B4GALT4: variants seen among roughly 807,000 people sequenced by gnomAD.
B4GALT4 encodes the protein N-acetyllactosamine synthase.
B4GALT4 carries 27 observed loss-of-function variants against 37.3 expected under a neutral mutation model. That is an observed-to-expected ratio of 0.72 (90% CI 0.53 to 1.00). The LOEUF (loss-of-function observed/expected upper bound fraction) is 1.00, where lower values mean the gene tolerates loss of function less well. Among genes scored for constraint, B4GALT4 ranks in the 50% least tolerant of loss-of-function variants. B4GALT4 has a pLI of 0.00. For missense variants in B4GALT4, 372 were observed against 413.1 expected (o/e 0.90, Z 0.86); for synonymous variants, 148 against 154.1 (o/e 0.96, Z 0.29).
chr3:119,230,096 C>T lies in B4GALT4; in HGVS notation c.4G>A (p.Gly2Ser). 6.2e-7 allele frequency: 1 copy of T among 1,613,904 alleles called. No individual in the cohort carries two copies. ...GAAAGGTGGAAAGTCAGGTTGAAGCCCATGTTTTTTATTACGTGAATAATA... is the reference window on the plus strand; with the variant it reads ...GAAAGGTGGAAAGTCAGGTTGAAGCTCATGTTTTTTATTACGTGAATAATA... Reference protein sequence around the residue: MGFNLTFHLSYK... With the variant: MSFNLTFHLSYK... Residue 2 changes from glycine (G) to serine (S), a missense_variant, in exon 3 of 8, where the codon GGC (glycine) becomes AGC (serine). By Grantham distance (56) the Gly-to-Ser change is moderately conservative. Coordinates refer to ENST00000393765, the MANE Select transcript of B4GALT4 (RefSeq NM_003778.4).
chr3:119,226,739 C>A, intron 4 of B4GALT4, 70 bp downstream of exon 4: 1 of 1,340,634 alleles, frequency 7.5e-7, no homozygotes, highest in South Asian at 1.3e-5. Context: ...CATAGACAAA[C>A]AGTCACATGG....
At chr3:119,227,163 C>T in intron 3 of B4GALT4, 122 bp from the exon 4 acceptor site, 1 of 795,590 alleles carries the variant, frequency 1.3e-6, no homozygotes, top group Non-Finnish European at 2.0e-6. Context: ...CAAATGTCAG[C>T]TTTTATTATG....
chr3:119,235,122 T>A (rs2078946709), intron 2 of B4GALT4: 1 of 152,166 alleles, frequency 6.6e-6, no homozygotes, highest in South Asian at 2.1e-4. Context: ...TACTGAGAAG[T>A]CTTGAATATA....
Position 119,224,166 on chromosome 3 carries a change from C to T in B4GALT4, c.566G>A (p.Cys189Tyr), listed in dbSNP as rs756770730. 5 of 1,613,894 alleles carry T rather than the reference C, an allele frequency of 3.1e-6. No individual in the cohort carries two copies. The African/African-American group carries it at 5.3e-5, about 17-fold the overall frequency. The change falls in exon 5 of 8, where the codon TGC (cysteine) becomes TAC (tyrosine). Residue 189 changes from cysteine to tyrosine, a missense_variant. Coordinates refer to ENST00000393765, the MANE Select transcript of B4GALT4 (RefSeq NM_003778.4). Reference sequence around the variant, plus strand: ...CAGGTCCACATCGTGGAATATAAAGCAGTCCCAATTTTCTTCCTTGAGGGC... The same window carrying T: ...CAGGTCCACATCGTGGAATATAAAGTAGTCCCAATTTTCTTCCTTGAGGGC... ...LEALKEENWD[C>Y]FIFHDVDLVP... is the part of the protein sequence containing the mutation.
chr3:119,216,046 G>C (rs956376568), intron 7 of B4GALT4, 194 bp downstream of exon 7: 24 of 352,028 alleles, frequency 6.8e-5, no homozygotes, highest in African/African-American at 3.2e-4. Context: ...AAAGAAGAGA[G>C]GCCATGAGTT....
At chr3:119,214,517 C>T (rs9874573) in intron 7 of B4GALT4, 16,487 of 152,178 alleles carry the variant, frequency 0.11, 1,026 homozygotes, top group East Asian at 0.24. Context: ...TCGAGGACTA[C>T]TGGGATTCAG....
At chr3:119,220,757 C>A (rs571546706) in intron 5 of B4GALT4, among the ~76,000 whole-genome samples, 1 of 152,116 alleles carries the variant, frequency 6.6e-6, no homozygotes, top group South Asian at 2.1e-4. Context: ...GAGGCCAAGG[C>A]GGACGGATCA....
In B4GALT4 at chr3:119,211,928, C is replaced by T. The variant is rs2078172101; in HGVS notation, c.*621G>A. On this transcript the variant is annotated 3_prime_UTR_variant, in exon 8 of 8. Transcript: ENST00000393765. ...AAGGCATACCTGGGCAGGTCCTCCCCTGAAGGCTATCAGCAGCTGCAACCA... is the reference window on the plus strand; with the variant it reads ...AAGGCATACCTGGGCAGGTCCTCCCTTGAAGGCTATCAGCAGCTGCAACCA... 1.1e-5 allele frequency: 6 copies of T among 538,494 alleles called. No individual in the cohort carries two copies. In the South Asian group the frequency reaches 1.5e-4, roughly 13 times the overall value. The allele number at this position is 538,494 out of a possible 1,614,324, so 33.4% of individuals were successfully genotyped here.
chr3:119,212,459 T>C lies in B4GALT4; in HGVS notation c.*90A>G. 2.3e-6 allele frequency: 3 copies of C among 1,328,522 alleles called. No homozygotes were observed. The highest frequency in any genetic ancestry group is 3.1e-6 in the Non-Finnish European group (3 of 966,712). 82.3% of individuals were successfully genotyped at this position (1,328,522 alleles called of 1,614,324 possible). ...AGCTCAACAATGAGCTGTAACAGGT[T>C]CTTAATGTGTGCTACTATTTGAAGT... On this transcript the variant is annotated 3_prime_UTR_variant, in exon 8 of 8. Transcript: ENST00000393765.
intron 6 of B4GALT4, 135 bp downstream of exon 6, chr3:119,218,515 C>T (rs1238369378): frequency 1.6e-6 from 2 of 1,276,424 alleles, no homozygotes; most frequent in Admixed American, 2.1e-5. Flanking sequence ...CCCTCCACCC[C>T]CTGCACCCTT....
intron 3 of B4GALT4, among the ~76,000 whole-genome samples, chr3:119,229,023 C>T (rs563819461): frequency 1.3e-5 from 2 of 152,286 alleles, no homozygotes; most frequent in South Asian, 4.1e-4. Context: ...AGTTGAGAGG[C>T]AAGACATAAA....
In B4GALT4 at chr3:119,211,976, A is replaced by G; in HGVS notation, c.*573T>C. 2 of 571,048 alleles carry G rather than the reference A, an allele frequency of 3.5e-6. No homozygotes were observed. The highest frequency in any genetic ancestry group is 6.2e-6 in the Non-Finnish European group (2 of 320,700). 35.4% of individuals were successfully genotyped at this position (571,048 alleles called of 1,614,324 possible). ...CCAGCTCAGCTACTGCTGCCTTTGC[A>G]GCCGACACTCCACCCTCCTGCTACC... On this transcript the variant is annotated 3_prime_UTR_variant, in exon 8 of 8. Transcript: ENST00000393765.
chr3:119,217,677 C>A (rs1037283300), intron 6 of B4GALT4, among the ~76,000 whole-genome samples: 1 of 151,846 alleles, frequency 6.6e-6, no homozygotes, highest in African/African-American at 2.4e-5. Context: ...CTGGCCTTTA[C>A]TAAAAATACA....
chr3:119,222,577 C>T (rs559110478), intron 5 of B4GALT4, among the ~76,000 whole-genome samples: 1 of 152,310 alleles, frequency 6.6e-6, no homozygotes, highest in South Asian at 2.1e-4. Context: ...ACCCCTGCCA[C>T]AGCAACTTCG....
At chr3:119,224,352 A>ACC in intron 4 of B4GALT4, 107 bp from the exon 5 acceptor site, 1 of 695,242 alleles carries the variant, frequency 1.4e-6, no homozygotes, top group Admixed American at 3.8e-5. Context: ...TATTCTACGC[A>ACC]CGAGACTACA....
Position 119,212,438 on chromosome 3 carries a change from C to T in B4GALT4, c.*111G>A, listed in dbSNP as rs72655940. The T allele has an allele frequency of 4.4e-6, 5 of 1,147,926 alleles. No individual in the cohort carries two copies. The highest frequency in any genetic ancestry group is 1.6e-5 in the African/African-American group (1 of 64,024). The allele number at this position is 1,147,926 out of a possible 1,614,324, so 71.1% of individuals were successfully genotyped here. ...AAATACAAAAAGGAAAAATTCAGCT[C>T]AACAATGAGCTGTAACAGGTTCTTA... On this transcript the variant is annotated 3_prime_UTR_variant, in exon 8 of 8. Coordinates refer to ENST00000393765, the MANE Select transcript of B4GALT4 (RefSeq NM_003778.4).
At chr3:119,224,830 A>G (rs967224143) in intron 4 of B4GALT4, among the ~76,000 whole-genome samples, 3 of 152,226 alleles carry the variant, frequency 2.0e-5, no homozygotes, top group Admixed American at 6.5e-5. Context: ...TTCTTACCAC[A>G]GTTAACAAAA....
chr3:119,212,885 C>T (rs1381658737), intron 7 of B4GALT4: 4 of 511,624 alleles, frequency 7.8e-6, no homozygotes, highest in Middle Eastern at 5.1e-4. Flanking sequence ...CGTGAGAACC[C>T]GGGGACCCAT....
chr3:119,226,780 G>A (rs1171427897), intron 4 of B4GALT4, 29 bp downstream of exon 4: 4 of 1,590,418 alleles, frequency 2.5e-6, no homozygotes, highest in East Asian at 2.2e-5. Context: ...GAGGGTCGAG[G>A]GCAGGCCCTG....
Sources: gnomAD v4.1 joint callset for allele counts (sites outside exome capture counted in the v4.1 genomes callset) on GRCh38, gnomAD v4.1.1 for gene constraint, MANE v1.5 for transcripts, NCBI Gene and HGNC (gene_info 2026-07-23, HGNC 2026-07-21) for gene names.